Variants in MYO16 observed in about 807,000 individuals in gnomAD.
MYO16 encodes unconventional myosin-XVI.
MYO16 carries 94 observed loss-of-function variants against 205.3 expected under a neutral mutation model. That is an observed-to-expected ratio of 0.46 (90% CI 0.39 to 0.54). The LOEUF (loss-of-function observed/expected upper bound fraction) is 0.54. Ranked by LOEUF, MYO16 falls within the 20% of genes least tolerant of loss-of-function variation. The pLI is 0.00. For synonymous variants in MYO16, 988 were observed against 954.0 expected (o/e 1.04, Z -0.66); for missense variants, 2,315 against 2,387.5 (o/e 0.97, Z 0.63).
chr13:109,163,217 C>G (rs1240875978), intron 32 of MYO16, among the ~76,000 whole-genome samples: 2 of 152,168 alleles, frequency 1.3e-5, no homozygotes, highest in Non-Finnish European at 2.9e-5. Context: ...TGCGGGTGAT[C>G]TGACCAAGGT....
In MYO16 at chr13:108,899,051, A is replaced by G. The variant is rs1297083646; in HGVS notation, c.1777+918A>G. 2.0e-5 allele frequency among the ~76,000 whole-genome samples: 3 copies of G among 152,218 alleles called. No individual in the cohort carries two copies. The East Asian group carries it at 5.8e-4, about 29-fold the overall frequency. On this transcript the variant is annotated intron_variant, in intron 15 of 34. Transcript: ENST00000457511. ...AAAGTTAGTTTTGACCATAATCTAG[A>G]AACAAAAACATTGTATTTTGCAGCA... is the stretch of plus-strand genomic sequence containing the variant.
At chr13:108,937,576 T>G (rs1566421626) in intron 16 of MYO16, among the ~76,000 whole-genome samples, 2 of 152,232 alleles carry the variant, frequency 1.3e-5, no homozygotes, top group African/African-American at 4.8e-5. Context: ...AAAATTCTTT[T>G]TTAATTTTTG....
chr13:109,140,937 C>T lies in MYO16; in HGVS notation c.4725C>T (p.Pro1575=). ...SKSQKGDGDR[P]ASPGLALFNG... Reference sequence around the variant, plus strand: ...GCCAGAAGGGCGACGGCGACAGGCCCGCGTCCCCCGGCCTGGCGCTGTTCA... The same window carrying T: ...GCCAGAAGGGCGACGGCGACAGGCCTGCGTCCCCCGGCCTGGCGCTGTTCA... The change falls in exon 32 of 35, where the codon CCC becomes CCT. Residue 1575 remains proline (P), a synonymous_variant. Transcript: ENST00000457511. This position sits in a 1 kb window ranked among gnomAD's most constrained non-coding sequence, Gnocchi z 8.0. The T allele has an allele frequency of 2.6e-6, 4 of 1,555,172 alleles. No individual in the cohort carries two copies. Among genetic ancestry groups the T allele is most frequent in the Non-Finnish European group, 3.5e-6 (4 of 1,153,542 alleles).
intron 1 of MYO16, among the ~76,000 whole-genome samples, chr13:108,635,187 G>A (rs1017685042): frequency 6.6e-6 from 1 of 152,140 alleles, no homozygotes; most frequent in Admixed American, 6.5e-5. Context: ...CTTTCAGTGA[G>A]GAGTAGCACT....
At chr13:108,536,631 ATCAG>A in the MYO16 span, among the ~76,000 whole-genome samples, 1 of 152,166 alleles carries the variant, frequency 6.6e-6, no homozygotes, top group African/African-American at 2.4e-5. Context: ...TCAGAAGTGA[ATCAG>A]TCAATTTAAT....
chr13:109,129,016 C>T, intron 31 of MYO16, among the ~76,000 whole-genome samples: 1 of 151,632 alleles, frequency 6.6e-6, no homozygotes. Flanking sequence ...AAGTGATCTG[C>T]CTGCCTTGGC....
chr13:108,738,929 G>A (rs1458744711), intron 4 of MYO16, among the ~76,000 whole-genome samples: 6 of 151,908 alleles, frequency 3.9e-5, no homozygotes, highest in South Asian at 2.1e-4. Flanking sequence ...GTTGGTTTAA[G>A]GTCTGTTTTA....
intron 21 of MYO16, among the ~76,000 whole-genome samples, 182 bp downstream of exon 21, chr13:108,992,630 AC>A (rs2139439794): frequency 6.6e-6 from 1 of 152,310 alleles, no homozygotes; most frequent in East Asian, 1.9e-4. Context: ...GGTCTTGTAA[AC>A]AACTGGCATA....
In MYO16 at chr13:109,125,482, C is replaced by T. The variant is rs183175320; in HGVS notation, c.3782+124C>T. On this transcript the variant is annotated intron_variant, in intron 30 of 34. Transcript: ENST00000457511. This position sits in a 1 kb window ranked among gnomAD's most constrained non-coding sequence, Gnocchi z 4.0. Reference sequence around the variant, plus strand: ...GACAGGAGTTGCAGGAACAGGCATGCGTGGTTTGTTATTCGAAATGGCAGC... The same window carrying T: ...GACAGGAGTTGCAGGAACAGGCATGTGTGGTTTGTTATTCGAAATGGCAGC... The T allele has an allele frequency of 4.3e-4, 567 of 1,312,488 alleles. 2 individuals carry two copies. Among genetic ancestry groups the T allele is most frequent in the Non-Finnish European group, 5.2e-4 (500 of 958,768 alleles). 81.3% of individuals were successfully genotyped at this position (1,312,488 alleles called of 1,614,324 possible).
chr13:108,558,629 A>G, the MYO16 span, among the ~76,000 whole-genome samples: 1 of 152,130 alleles, frequency 6.6e-6, no homozygotes. Flanking sequence ...CCACGAATGG[A>G]TTATAAACCC....
intron 16 of MYO16, among the ~76,000 whole-genome samples, chr13:108,943,387 G>C (rs1232204665): frequency 6.6e-6 from 1 of 152,166 alleles, no homozygotes; most frequent in Non-Finnish European, 1.5e-5. Flanking sequence ...TATAGATGTA[G>C]TACTTTTGTT....
intron 16 of MYO16, among the ~76,000 whole-genome samples, chr13:108,944,316 TTAAA>T (rs1357659093): frequency 6.6e-6 from 1 of 152,230 alleles, no homozygotes; most frequent in Non-Finnish European, 1.5e-5. Context: ...CACCTTATTC[TTAAA>T]TAAAACTTTT....
Position 109,055,317 on chromosome 13 carries a change from A to AT in MYO16, c.3130-70dup. Reference sequence around the variant, plus strand: ...AGATTTAAAGACGTAAAGACTTTTTATTTAAAAACTGCTTTATATTTTTAG... The same window carrying AT: ...AGATTTAAAGACGTAAAGACTTTTTATTTTAAAAACTGCTTTATATTTTTAG... On this transcript the variant is annotated intron_variant, in intron 26 of 34. Transcript: ENST00000457511. This position sits in a 1 kb window ranked among gnomAD's most constrained non-coding sequence, Gnocchi z 5.0. 7.7e-7 allele frequency: 1 copy of AT among 1,291,302 alleles called. No individual in the cohort carries two copies. Among genetic ancestry groups the AT allele is most frequent in the Non-Finnish European group, 1.1e-6 (1 of 927,346 alleles). 80.0% of individuals were successfully genotyped at this position (1,291,302 alleles called of 1,614,324 possible).
intron 31 of MYO16, among the ~76,000 whole-genome samples, chr13:109,138,966 G>T (rs546971162): frequency 6.6e-6 from 1 of 151,880 alleles, no homozygotes; most frequent in Non-Finnish European, 1.5e-5. Flanking sequence ...CTACAGGCGC[G>T]TGCCACCTCG....
chr13:109,173,687 C>T (rs760123882), intron 33 of MYO16, among the ~76,000 whole-genome samples: 45 of 150,964 alleles, frequency 3.0e-4, no homozygotes, highest in Non-Finnish European at 5.5e-4. Context: ...CAAGGTCAGG[C>T]GATCGAGACC....
At chr13:108,826,074 A>G (rs532944927) in intron 9 of MYO16, among the ~76,000 whole-genome samples, 16 of 152,106 alleles carry the variant, frequency 1.1e-4, no homozygotes, top group Non-Finnish European at 1.6e-4. Flanking sequence ...TGATAGGCCA[A>G]TATTTAAAAT....
intron 4 of MYO16, among the ~76,000 whole-genome samples, chr13:108,766,807 G>A (rs943640053): frequency 3.9e-5 from 6 of 152,132 alleles, no homozygotes; most frequent in African/African-American, 1.4e-4. Flanking sequence ...TGATTCATTT[G>A]AAGGTTTAAC....
rs774665316 is a variant in MYO16 at position 108,844,475 on chromosome 13, T to C, written c.1230T>C (p.Gly410=). ...TCCCTGAAAACCCCATGATGAGCGGTTCCACCAAACCCGAGCAGGTAATCA... is the reference window on the plus strand; with the variant it reads ...TCCCTGAAAACCCCATGATGAGCGGCTCCACCAAACCCGAGCAGGTAATCA... The part of the protein sequence containing the change: ...DSIPENPMMS[G]STKPEQVKLM... The change falls in exon 10 of 35, where the codon GGT becomes GGC. Residue 410 remains glycine (G), a synonymous_variant. Transcript: ENST00000457511. 3 of 1,611,228 alleles carry C rather than the reference T, an allele frequency of 1.9e-6. No homozygotes were observed. The Admixed American group carries it at 5.0e-5, about 27-fold the overall frequency.
intron 27 of MYO16, among the ~76,000 whole-genome samples, chr13:109,096,148 C>T (rs564128306): frequency 6.6e-6 from 1 of 152,266 alleles, no homozygotes; most frequent in Non-Finnish European, 1.5e-5. Flanking sequence ...TTTCCTCTCC[C>T]AGCTCTGGAA....
Sources: gnomAD v4.1 joint callset for allele counts (sites outside exome capture counted in the v4.1 genomes callset) on GRCh38, gnomAD v4.1.1 for gene constraint, Gnocchi (gnomAD v3.1) non-coding constraint, MANE v1.5 for transcripts, NCBI Gene and HGNC (gene_info 2026-07-23, HGNC 2026-07-21) for gene names.